GABRA4: variants seen among roughly 807,000 people sequenced by gnomAD.
GABRA4 encodes gamma-aminobutyric acid type A receptor subunit alpha4.
Under a neutral mutation model 49.7 loss-of-function variants are expected in GABRA4, and 12 were observed. The observed-to-expected ratio is 0.24, with a 90% CI of 0.15 to 0.39. The LOEUF (loss-of-function observed/expected upper bound fraction) is 0.39, where lower values mean the gene tolerates loss of function less well. Among genes scored for constraint, GABRA4 ranks in the 10% least tolerant of loss-of-function variants. GABRA4 has a pLI of 1.00. For synonymous variants in GABRA4, 288 were observed against 240.2 expected, an observed-to-expected ratio of 1.20 and a Z score of -1.84; for missense variants, 506 against 686.0, an observed-to-expected ratio of 0.74 and a Z score of 2.93.
intron 8 of GABRA4, among the ~76,000 whole-genome samples, chr4:46,935,392 A>G (rs1280541223): frequency 2.0e-5 from 3 of 152,244 alleles, no homozygotes; most frequent in African/African-American, 7.2e-5. Context: ...TGTCTAGCAC[A>G]TAGTAGGATT....
At chr4:46,949,068 A>G (rs1261742973) in intron 8 of GABRA4, among the ~76,000 whole-genome samples, 1 of 152,122 alleles carries the variant, frequency 6.6e-6, no homozygotes, top group South Asian at 2.1e-4. Context: ...GTAGTGTAAT[A>G]AAGACTTGAG....
intron 8 of GABRA4, among the ~76,000 whole-genome samples, chr4:46,956,548 T>C (rs1258401752): frequency 6.6e-6 from 1 of 152,020 alleles, no homozygotes; most frequent in Non-Finnish European, 1.5e-5. Flanking sequence ...CGAGCCTCTT[T>C]GTTTTGCTTT....
In GABRA4 at chr4:46,919,130, A is replaced by G. The variant is rs1171751738; in HGVS notation, c.*9095T>C. 1 of 151,604 alleles carries G rather than the reference A, an allele frequency of 6.6e-6. No individual in the cohort carries two copies. Among genetic ancestry groups the G allele is most frequent in the East Asian group, 1.9e-4 (1 of 5,190 alleles). The allele number at this position is 151,604 out of a possible 1,614,324, so 9.4% of individuals were successfully genotyped here. A position where few individuals can be genotyped will look rare whatever the true frequency, so the allele number is the denominator to read the frequency against. On this transcript the variant is annotated 3_prime_UTR_variant, in exon 9 of 9. Transcript: ENST00000264318. ...ATTCTACAATGCTATGCTCTAGTATAAACTTTGTTTTAAGAAGCAAAGTAA... is the reference window on the plus strand; with the variant it reads ...ATTCTACAATGCTATGCTCTAGTATGAACTTTGTTTTAAGAAGCAAAGTAA...
At chr4:46,962,058 A>G (rs1176898083) in intron 8 of GABRA4, among the ~76,000 whole-genome samples, 1 of 151,872 alleles carries the variant, frequency 6.6e-6, no homozygotes, top group East Asian at 1.9e-4. Flanking sequence ...CTATCCCTTC[A>G]GGTCGAGAAT....
Position 46,928,444 on chromosome 4 carries a change from T to C in GABRA4, c.1446A>G (p.Arg482=), listed in dbSNP as rs1251023989. The stretch of plus-strand genomic sequence containing the variant: ...TAACTGTGGTCTTTATCCTCTGCAG[T>C]CTTGATCCAAACACGTGACGAGTAG... ...SASTRHVFGS[R]LQRIKTTVNT... The change falls in exon 9 of 9, where the codon AGA becomes AGG. Residue 482 remains arginine (R), a synonymous_variant. Transcript: ENST00000264318. 1 of 1,613,664 alleles carries C rather than the reference T, an allele frequency of 6.2e-7. No homozygotes were observed.
intron 8 of GABRA4, among the ~76,000 whole-genome samples, chr4:46,961,292 C>G (rs1371861150): frequency 6.6e-6 from 1 of 151,832 alleles, no homozygotes; most frequent in African/African-American, 2.4e-5. Flanking sequence ...GGGTGAATGC[C>G]TAACCTAATT....
chr4:46,932,751 C>T (rs145077207), intron 8 of GABRA4, among the ~76,000 whole-genome samples: 220 of 152,180 alleles, frequency 1.4e-3, no homozygotes, highest in African/African-American at 4.9e-3. Flanking sequence ...ATTTAACCTA[C>T]CAGTCTTATT....
chr4:46,950,256 T>A (rs111484875), intron 8 of GABRA4, among the ~76,000 whole-genome samples: 4,492 of 152,172 alleles, frequency 0.03, 80 homozygotes, highest in Middle Eastern at 0.12. Flanking sequence ...ACGATCCTAC[T>A]GAGACCATTA....
intron 5 of GABRA4, 119 bp from the exon 6 acceptor site, chr4:46,974,494 T>A (rs967122015): frequency 1.5e-5 from 14 of 962,392 alleles, no homozygotes; most frequent in Non-Finnish European, 1.8e-5. Context: ...CAATGTTCAC[T>A]ATAATTTAGT....
chr4:46,935,046 T>C (rs1348567545), intron 8 of GABRA4, among the ~76,000 whole-genome samples: 1 of 152,216 alleles, frequency 6.6e-6, no homozygotes. Flanking sequence ...AAAGCAGTAT[T>C]GTGGTCATAC....
In GABRA4 at chr4:46,992,870, A is replaced by G. The variant is rs1282685972; in HGVS notation, c.163T>C (p.Leu55=). Residue 55 remains leucine, a synonymous_variant, in exon 2 of 9, where the codon TTG becomes CTG. Transcript: ENST00000264318. ...AGCCTGTTGTCATAACCATCGAGCA[A>G]ACTGTCCAGGATGCGGGTGAAATTT... ...TENFTRILDS[L]LDGYDNRLRP... is the part of the protein sequence containing the mutation. The G allele has an allele frequency of 6.2e-7, 1 of 1,613,960 alleles. No homozygotes were observed. Among genetic ancestry groups the G allele is most frequent in the Non-Finnish European group, 8.5e-7 (1 of 1,179,958 alleles).
Position 46,919,113 on chromosome 4 carries a change from A to G in GABRA4, c.*9112T>C, listed in dbSNP as rs1720883162. The G allele has an allele frequency of 1.3e-5, 2 of 151,564 alleles. No homozygotes were observed. The highest frequency in any genetic ancestry group is 4.1e-4 in the South Asian group (2 of 4,828). 9.4% of individuals were successfully genotyped at this position (151,564 alleles called of 1,614,324 possible). On this transcript the variant is annotated 3_prime_UTR_variant, in exon 9 of 9. Coordinates refer to ENST00000264318, the MANE Select transcript of GABRA4 (RefSeq NM_000809.4). Reference sequence around the variant, plus strand: ...AAATTGAGACCTGAATAATTCTACAATGCTATGCTCTAGTATAAACTTTGT... The same window carrying G: ...AAATTGAGACCTGAATAATTCTACAGTGCTATGCTCTAGTATAAACTTTGT...
At chr4:46,939,517 A>G (rs571516894) in intron 8 of GABRA4, among the ~76,000 whole-genome samples, 1 of 152,150 alleles carries the variant, frequency 6.6e-6, no homozygotes, top group South Asian at 2.1e-4. Flanking sequence ...AGCATGATAC[A>G]ATTAAAATGT....
At chr4:46,966,355 TC>T (rs1356799847) in intron 7 of GABRA4, among the ~76,000 whole-genome samples, 1 of 151,622 alleles carries the variant, frequency 6.6e-6, no homozygotes, top group Non-Finnish European at 1.5e-5. Flanking sequence ...TCCATGCCAA[TC>T]CCCAGCTGAA....
chr4:46,993,022 T>C (rs913040329), intron 1 of GABRA4, 76 bp from the exon 2 acceptor site: 1 of 1,157,670 alleles, frequency 8.6e-7, no homozygotes, highest in Non-Finnish European at 1.3e-6. Flanking sequence ...TGCAAACAGG[T>C]TTGTTTTCTA....
At chr4:46,961,522 C>T (rs915262087) in intron 8 of GABRA4, among the ~76,000 whole-genome samples, 1 of 151,848 alleles carries the variant, frequency 6.6e-6, no homozygotes, top group Non-Finnish European at 1.5e-5. Context: ...TTTTGGTACA[C>T]TATCGGCTCA....
intron 8 of GABRA4, among the ~76,000 whole-genome samples, chr4:46,936,650 C>T (rs1721612607): frequency 6.6e-6 from 1 of 152,150 alleles, no homozygotes; most frequent in African/African-American, 2.4e-5. Context: ...GCAATCCCAA[C>T]CTACAAGAAT....
At chr4:46,980,271 A>G (rs1039382446) in intron 2 of GABRA4, among the ~76,000 whole-genome samples, 5 of 151,938 alleles carry the variant, frequency 3.3e-5, no homozygotes, top group African/African-American at 1.2e-4. Context: ...ATAGTACTGT[A>G]TAGCCAGAGG....
At chr4:46,959,881 T>C (rs9884585) in intron 8 of GABRA4, among the ~76,000 whole-genome samples, 2,407 of 149,614 alleles carry the variant, frequency 0.016, 58 homozygotes, top group African/African-American at 0.054. Flanking sequence ...TCTCCAAAAC[T>C]GGAATACGTG....
Sources: gnomAD v4.1 joint callset for allele counts (sites outside exome capture counted in the v4.1 genomes callset) on GRCh38, gnomAD v4.1.1 for gene constraint, MANE v1.5 for transcripts, NCBI Gene and HGNC (gene_info 2026-07-23, HGNC 2026-07-21) for gene names.